ABLIM3: variants seen among roughly 807,000 people sequenced by gnomAD.
The protein encoded by ABLIM3 is actin-binding LIM protein 3.
ABLIM3 carries 61 observed loss-of-function variants against 109.5 expected under a neutral mutation model. The observed-to-expected ratio is 0.56, with a 90% CI of 0.45 to 0.69. The LOEUF (loss-of-function observed/expected upper bound fraction) is 0.69. ABLIM3 is among the 30% of genes least tolerant of loss of function. The pLI is 0.00. For missense variants in ABLIM3, 796 were observed against 889.5 expected (o/e 0.89, Z 1.34); for synonymous variants, 300 against 324.8 (o/e 0.92, Z 0.82).
chr5:149,255,790 T>G (rs1035716499), intron 23 of ABLIM3, among the ~76,000 whole-genome samples: 1 of 152,156 alleles, frequency 6.6e-6, no homozygotes, highest in African/African-American at 2.4e-5. Flanking sequence ...CCAAGGAAAC[T>G]GGAAGCAGAT....
chr5:149,159,735 T>C (rs1754164423), intron 2 of ABLIM3, among the ~76,000 whole-genome samples: 1 of 152,204 alleles, frequency 6.6e-6, no homozygotes, highest in Non-Finnish European at 1.5e-5. Flanking sequence ...ATGTAACACC[T>C]GTAAAAATTT....
intron 3 of ABLIM3, among the ~76,000 whole-genome samples, chr5:149,190,830 C>G (rs949489412): frequency 6.6e-6 from 1 of 152,046 alleles, no homozygotes; most frequent in East Asian, 1.9e-4. Flanking sequence ...TCCCAGATGG[C>G]AGAACTGAGA....
chr5:149,248,159 A>G (rs1434686681), intron 18 of ABLIM3, among the ~76,000 whole-genome samples: 1 of 152,218 alleles, frequency 6.6e-6, no homozygotes, highest in Non-Finnish European at 1.5e-5. Flanking sequence ...ATTAGGTTCT[A>G]TTGGAATGTA....
chr5:149,240,124 C>T (rs1752658814), intron 13 of ABLIM3, among the ~76,000 whole-genome samples: 1 of 152,192 alleles, frequency 6.6e-6, no homozygotes, highest in Admixed American at 6.5e-5. Flanking sequence ...GGTGAACTTC[C>T]AGGAGAGGGG....
chr5:149,217,159 T>C, intron 8 of ABLIM3, 113 bp downstream of exon 8: 1 of 1,074,756 alleles, frequency 9.3e-7, no homozygotes, highest in Non-Finnish European at 1.4e-6. Flanking sequence ...ATCTTGGCTT[T>C]TGCCTTGTCC....
At chr5:149,249,764 C>T in intron 18 of ABLIM3, 51 bp from the exon 19 acceptor site, 1 of 1,610,816 alleles carries the variant, frequency 6.2e-7, no homozygotes, top group Non-Finnish European at 8.5e-7. Context: ...TTGTCTTCAC[C>T]ATGTTTGTCT....
intron 3 of ABLIM3, among the ~76,000 whole-genome samples, chr5:149,194,326 A>C (rs1757760491): frequency 6.6e-6 from 1 of 152,232 alleles, no homozygotes; most frequent in South Asian, 2.1e-4. Context: ...AAAATCACAA[A>C]ATGATAAATG....
At position 149,198,452 on chromosome 5, in the gene ABLIM3, G is replaced by T. The variant is rs867501685; in HGVS notation, c.335+50G>T. The stretch of plus-strand genomic sequence containing the variant: ...GGGACCCTCTGCATAAGCCCCCGGG[G>T]CAGGGGAAGACCTGGCTTTTTCCAG... On this transcript the variant is annotated intron_variant, in intron 4 of 23. Transcript: ENST00000309868. The surrounding 1 kb of genome is among the most constrained non-coding windows in gnomAD (Gnocchi z 4.2). The T allele has an allele frequency of 6.5e-7, 1 of 1,530,476 alleles. No individual in the cohort carries two copies. Among genetic ancestry groups the T allele is most frequent in the Middle Eastern group, 1.9e-4 (1 of 5,176 alleles). The allele number at this position is 1,530,476 out of a possible 1,614,324, so 94.8% of individuals were successfully genotyped here. A position where few individuals can be genotyped will look rare whatever the true frequency, so the allele number is the denominator to read the frequency against.
intron 16 of ABLIM3, among the ~76,000 whole-genome samples, chr5:149,245,521 C>T (rs1407066875): frequency 6.6e-6 from 1 of 151,496 alleles, no homozygotes; most frequent in Non-Finnish European, 1.5e-5. Flanking sequence ...GGAGGAGGTC[C>T]CCCAGGGTTT....
intron 3 of ABLIM3, among the ~76,000 whole-genome samples, chr5:149,190,927 C>T (rs888679195): frequency 6.6e-6 from 1 of 152,076 alleles, no homozygotes; most frequent in East Asian, 1.9e-4. Flanking sequence ...GTATCAAAAA[C>T]TTGCATTACA....
intron 11 of ABLIM3, 112 bp downstream of exon 11, chr5:149,237,715 C>A: frequency 7.4e-7 from 1 of 1,348,806 alleles, no homozygotes; most frequent in Non-Finnish European, 1.0e-6. Context: ...GGCTCCCAGA[C>A]TCTTCTACAC....
chr5:149,229,827 C>T (rs1761667237), intron 8 of ABLIM3, among the ~76,000 whole-genome samples: 1 of 152,230 alleles, frequency 6.6e-6, no homozygotes, highest in South Asian at 2.1e-4. Flanking sequence ...CCACCTGTTG[C>T]TCATGCCTTT....
At chr5:149,181,858 G>T (rs1011181054) in intron 2 of ABLIM3, among the ~76,000 whole-genome samples, 4 of 152,188 alleles carry the variant, frequency 2.6e-5, no homozygotes, top group Admixed American at 6.5e-5. Context: ...CATGATAGAG[G>T]TTTATGATGG....
At chr5:149,202,872 AATC>A (rs904828324) in intron 5 of ABLIM3, among the ~76,000 whole-genome samples, 2 of 151,730 alleles carry the variant, frequency 1.3e-5, no homozygotes, top group Non-Finnish European at 2.9e-5. Context: ...TCACCACAAT[AATC>A]ATCATCATTG....
At chr5:149,197,067 A>G (rs1163699750) in intron 3 of ABLIM3, among the ~76,000 whole-genome samples, 1 of 152,202 alleles carries the variant, frequency 6.6e-6, no homozygotes, top group Non-Finnish European at 1.5e-5. Flanking sequence ...GAATTATTAC[A>G]ATCTTCTCCC....
At chr5:149,150,402 A>C (rs1432501506) in intron 2 of ABLIM3, among the ~76,000 whole-genome samples, 1 of 152,244 alleles carries the variant, frequency 6.6e-6, no homozygotes, top group Non-Finnish European at 1.5e-5. Flanking sequence ...GTTTTAAAAC[A>C]GTACTTCCCA....
intron 10 of ABLIM3, among the ~76,000 whole-genome samples, chr5:149,233,976 A>G (rs1387816347): frequency 6.6e-6 from 1 of 152,222 alleles, no homozygotes. Context: ...TTCATTCAAC[A>G]AACATGTGCC....
chr5:149,247,026 A>G (rs1753447074), intron 17 of ABLIM3, among the ~76,000 whole-genome samples: 1 of 152,276 alleles, frequency 6.6e-6, no homozygotes, highest in Non-Finnish European at 1.5e-5. Flanking sequence ...ACTATTCACG[A>G]AAGCTAAAAT....
intron 2 of ABLIM3, among the ~76,000 whole-genome samples, chr5:149,156,497 A>G (rs918116534): frequency 3.9e-5 from 6 of 152,272 alleles, no homozygotes; most frequent in African/African-American, 9.6e-5. Context: ...TTTTAAAGAT[A>G]CAAAATAACC....
Sources: allele counts gnomAD v4.1 joint callset (sites outside exome capture counted in the v4.1 genomes callset), GRCh38; gene constraint gnomAD v4.1.1; non-coding constraint Gnocchi (gnomAD v3.1); transcripts MANE v1.5; gene names NCBI Gene and HGNC (gene_info 2026-07-23, HGNC 2026-07-21).